The following PM20D1 variants were observed in gnomAD, a reference collection of about 807,000 sequenced individuals.
PM20D1 encodes peptidase M20 domain containing 1.
In PM20D1, 53 loss-of-function variants were observed where a neutral mutation model predicts 53.8. That is an observed-to-expected ratio of 0.98 (90% confidence interval 0.79 to 1.24). The LOEUF (loss-of-function observed/expected upper bound fraction) is 1.24. Among genes scored for constraint, PM20D1 ranks in the 50% most tolerant of loss-of-function variants. PM20D1 has a pLI of 0.00. For missense variants in PM20D1, 564 were observed against 616.8 expected (o/e 0.91, Z 0.91); for synonymous variants, 239 against 241.3 (o/e 0.99, Z 0.09).
Position 205,842,219 on chromosome 1 carries a change from G to A in PM20D1, c.904-4C>T. 1 of 1,612,194 alleles carries A rather than the reference G, an allele frequency of 6.2e-7. No individual in the cohort carries two copies. The highest frequency in any genetic ancestry group is 8.5e-7 in the Non-Finnish European group (1 of 1,178,266). ...TTATATTGACAGGGAAGGGAAACTGGGAAAGAACAAGGTCAGCACCACAGG... is the reference window on the plus strand; with the variant it reads ...TTATATTGACAGGGAAGGGAAACTGAGAAAGAACAAGGTCAGCACCACAGG... On this transcript the variant is annotated splice_region_variant and splice_polypyrimidine_tract_variant and intron_variant, in intron 7 of 12. Coordinates refer to ENST00000367136, the MANE Select transcript of PM20D1 (RefSeq NM_152491.5).
intron 6 of PM20D1, 36 bp from the exon 7 acceptor site, chr1:205,842,787 C>T (rs182191889): frequency 6.3e-7 from 1 of 1,598,570 alleles, no homozygotes; most frequent in East Asian, 2.2e-5. Context: ...ACTTAGCGAA[C>T]CCCAGCCAAA....
chr1:205,830,357 G>A lies in PM20D1; in HGVS notation c.1308C>T (p.Asp436=). The part of the protein sequence containing the change: ...TAPVTSIGNT[D]SRFFTNLTTG... ...TGGTGAGGTTTGTAAAGAATCGGCT[G>A]TCTGTGTTGCCAATAGAAGTAACTA... The change falls in exon 12 of 13, where the codon GAC becomes GAT. Residue 436 remains aspartate (D), a synonymous_variant. Coordinates refer to ENST00000367136, the MANE Select transcript of PM20D1 (RefSeq NM_152491.5). The A allele has an allele frequency of 6.2e-7, 1 of 1,611,790 alleles. No individual in the cohort carries two copies.
chr1:205,844,202 C>T lies in PM20D1; in HGVS notation c.592G>A (p.Ala198Thr), dbSNP rs147397862. 1,751 of 1,611,732 alleles carry T rather than the reference C, an allele frequency of 1.1e-3. 18 individuals carry two copies. In the African/African-American group the frequency reaches 0.021, roughly 19 times the overall value. The change falls in exon 5 of 13, where the codon GCT becomes ACT. Residue 198 changes from alanine (A) to threonine (T), a missense_variant. By Grantham distance (58) the Ala-to-Thr change is moderately conservative (BLOSUM62 0). Transcript: ENST00000367136. ...GHDEESSGTG[A>T]QRISALLQSR... ...TGTAGCAGGGCTGAGATCCTCTGAGCCCCTGTCCCTGATGACTGCAGACAT... is the reference window on the plus strand; with the variant it reads ...TGTAGCAGGGCTGAGATCCTCTGAGTCCCTGTCCCTGATGACTGCAGACAT...
rs748464999 is a variant in PM20D1, at chr1:205,828,614, T to C, written c.*6A>G. 16 of 1,613,940 alleles carry C rather than the reference T, an allele frequency of 9.9e-6. No individual in the cohort carries two copies. Among genetic ancestry groups the C allele is most frequent in the Middle Eastern group, 1.6e-4 (1 of 6,078 alleles). Reference sequence around the variant, plus strand: ...GGGCATGCCTAACCCAGCAGGCCCCTTGACCTCACAGTTTGTGCAGGTGAG... The same window carrying C: ...GGGCATGCCTAACCCAGCAGGCCCCCTGACCTCACAGTTTGTGCAGGTGAG... On this transcript the variant is annotated 3_prime_UTR_variant, in exon 13 of 13. Coordinates refer to ENST00000367136, the MANE Select transcript of PM20D1 (RefSeq NM_152491.5).
In PM20D1 at chr1:205,839,417, A is replaced by C. The variant is rs572969144; in HGVS notation, c.1116+835T>G. On this transcript the variant is annotated intron_variant, in intron 10 of 12. Transcript: ENST00000367136. ...TGTGGCTAAAAGCACAAACTCTGGA[A>C]CTAGACTGCTAGATATATAATCTTG... 2.0e-5 allele frequency among the ~76,000 whole-genome samples: 3 copies of C among 152,340 alleles called. No individual in the cohort carries two copies. In the South Asian group the frequency reaches 6.2e-4, roughly 32 times the overall value.
chr1:205,850,076 T>TC lies in PM20D1; in HGVS notation c.-5dup, dbSNP rs1166414511. Reference sequence around the variant, plus strand: ...CGCAAACGCACCGCTGAGCCATGCTTCTCTCGAGCTCCTGCTGTCAGGCTA... The same window carrying TC: ...CGCAAACGCACCGCTGAGCCATGCTTCCTCTCGAGCTCCTGCTGTCAGGCTA... On this transcript the variant is annotated 5_prime_UTR_variant, in exon 1 of 13. Transcript: ENST00000367136. 6.2e-7 allele frequency: 1 copy of TC among 1,610,196 alleles called. No individual in the cohort carries two copies.
At chr1:205,829,542 C>A (rs1048973228) in intron 12 of PM20D1, among the ~76,000 whole-genome samples, 34 of 152,074 alleles carry the variant, frequency 2.2e-4, no homozygotes, top group African/African-American at 7.0e-4. Context: ...CAAAACAGAG[C>A]AAAACAAAAC....
intron 12 of PM20D1, chr1:205,830,029 G>A (rs1656523367): frequency 7.5e-6 from 3 of 399,556 alleles, no homozygotes; most frequent in South Asian, 7.5e-5. Flanking sequence ...ATTCCACCAG[G>A]TTCTCCCCAA....
intron 7 of PM20D1, among the ~76,000 whole-genome samples, 194 bp downstream of exon 7, chr1:205,842,482 G>A (rs1278916221): frequency 6.6e-6 from 1 of 152,212 alleles, no homozygotes; most frequent in Non-Finnish European, 1.5e-5. Context: ...TTAGGTCTTA[G>A]GGTCTCAGAA....
In PM20D1 at chr1:205,841,841, C is replaced by G; in HGVS notation, c.1014G>C (p.Thr338=). The G allele has an allele frequency of 6.4e-7, 1 of 1,569,854 alleles. No homozygotes were observed. The highest frequency in any genetic ancestry group is 8.7e-7 in the Non-Finnish European group (1 of 1,154,568). ...PLTNAIIRTT[T]ALTIFKAGVK... is the part of the protein sequence containing the mutation. ...CCCCTGCTTTGAATATGGTGAGTGC[C>G]GTGGTGGTCCTGATTATTGCATTGG... Residue 338 remains threonine, a synonymous_variant, in exon 9 of 13, where the codon ACG becomes ACC. Transcript: ENST00000367136.
rs372449208 is a variant in PM20D1, at chr1:205,849,895, C to G, written c.169+9G>C. 323 of 1,607,828 alleles carry G rather than the reference C, an allele frequency of 2.0e-4. 3 individuals are homozygous for G. The highest frequency in any genetic ancestry group is 4.4e-5 in the Non-Finnish European group (52 of 1,175,780). ...TGAGCATAGGTGGGTGAAGGGGACC[C>G]GGGTTCACCTTTCAGCGCCTCTTTC... On this transcript the variant is annotated intron_variant, in intron 1 of 12. Coordinates refer to ENST00000367136, the MANE Select transcript of PM20D1 (RefSeq NM_152491.5).
intron 10 of PM20D1, among the ~76,000 whole-genome samples, chr1:205,838,676 C>T (rs1203715007): frequency 6.6e-6 from 1 of 152,178 alleles, no homozygotes; most frequent in African/African-American, 2.4e-5. Flanking sequence ...TCTCTCCAGA[C>T]CTGAGGTATT....
At chr1:205,843,839 TCCCATAGG>T (rs1656876221) in intron 5 of PM20D1, 53 bp from the exon 6 acceptor site, 1 of 1,594,856 alleles carries the variant, frequency 6.3e-7, no homozygotes, top group African/African-American at 1.3e-5. Flanking sequence ...CTCTGAATTC[TCCCATAGG>T]CCCATAGGTC....
Position 205,842,759 on chromosome 1 carries a change from A to G in PM20D1, c.828-8T>C. 1.2e-6 allele frequency: 2 copies of G among 1,613,746 alleles called. No homozygotes were observed. Among genetic ancestry groups the G allele is most frequent in the Non-Finnish European group, 1.7e-6 (2 of 1,179,924 alleles). ...ATTGGTGTCTGCTCCAATCTGGAAG[A>G]GAAACAGAGTCCTCAAGACTTAGCG... is the stretch of plus-strand genomic sequence containing the variant. On this transcript the variant is annotated splice_region_variant and splice_polypyrimidine_tract_variant and intron_variant, in intron 6 of 12. Coordinates refer to ENST00000367136, the MANE Select transcript of PM20D1 (RefSeq NM_152491.5).
intron 1 of PM20D1, among the ~76,000 whole-genome samples, chr1:205,848,367 A>T (rs1347647571): frequency 6.6e-6 from 1 of 152,204 alleles, no homozygotes; most frequent in South Asian, 2.1e-4. Flanking sequence ...TCCAAGCTTC[A>T]TCATTCTCAA....
At position 205,844,916 on chromosome 1, in the gene PM20D1, A is replaced by G. The variant is rs151112121; in HGVS notation, c.490-19T>C. Reference sequence around the variant, plus strand: ...GTAATGCCTGGGGTTCAGAAGCACAATGGAAGAGGAAAAAGACGTTATTTA... The same window carrying G: ...GTAATGCCTGGGGTTCAGAAGCACAGTGGAAGAGGAAAAAGACGTTATTTA... On this transcript the variant is annotated intron_variant, in intron 3 of 12. Coordinates refer to ENST00000367136, the MANE Select transcript of PM20D1 (RefSeq NM_152491.5). 4,834 of 1,605,702 alleles carry G rather than the reference A, an allele frequency of 3.0e-3. 24 individuals carry two copies. Among genetic ancestry groups the G allele is most frequent in the East Asian group, 0.019 (849 of 44,850 alleles).
rs1657096146 is a variant in PM20D1 at position 205,849,990 on chromosome 1, G to A, written c.83C>T (p.Pro28Leu). ...VFPTVSRSMGPRSGEHQRASR... is the reference protein window; with the variant it reads ...VFPTVSRSMGLRSGEHQRASR... ...CGCCCTTTGATGCTCCCCGCTCCTC[G>A]GGCCCATCGATCTGGAGACGGTAGG... Residue 28 changes from proline to leucine, a missense_variant, in exon 1 of 13, where the codon CCG (proline) becomes CTG (leucine). By Grantham distance (98) the Pro-to-Leu change is moderately conservative. Coordinates refer to ENST00000367136, the MANE Select transcript of PM20D1 (RefSeq NM_152491.5). 1 of 1,614,116 alleles carries A rather than the reference G, an allele frequency of 6.2e-7. No homozygotes were observed. The highest frequency in any genetic ancestry group is 2.2e-5 in the East Asian group (1 of 44,864).
At chr1:205,835,438 G>C (rs1656661523) in intron 10 of PM20D1, among the ~76,000 whole-genome samples, 1 of 152,112 alleles carries the variant, frequency 6.6e-6, no homozygotes, top group South Asian at 2.1e-4. Flanking sequence ...ATGTGCTGAG[G>C]TCAGGAGATC....
At chr1:205,832,838 C>T (rs1165411719) in intron 10 of PM20D1, 72 bp from the exon 11 acceptor site, 1 of 1,454,314 alleles carries the variant, frequency 6.9e-7, no homozygotes, top group Non-Finnish European at 9.2e-7. Context: ...GCTTAAATAT[C>T]CTGATTTCTT....
Sources: gnomAD v4.1 joint callset for allele counts (sites outside exome capture counted in the v4.1 genomes callset) on GRCh38, gnomAD v4.1.1 for gene constraint, MANE v1.5 for transcripts, NCBI Gene and HGNC (gene_info 2026-07-23, HGNC 2026-07-21) for gene names.